Variants in OSBPL11 observed in about 807,000 individuals in gnomAD.
OSBPL11 encodes the protein oxysterol-binding protein-related protein 11.
Under a neutral mutation model 84.4 loss-of-function variants are expected in OSBPL11, and 33 were observed. That is an observed-to-expected ratio of 0.39 (90% CI 0.30 to 0.52). OSBPL11 has a LOEUF of 0.52. OSBPL11 is among the 20% of genes least tolerant of loss of function. The pLI is 0.72. For synonymous variants in OSBPL11, 276 were observed against 310.2 expected, an observed-to-expected ratio of 0.89 and a Z score of 1.16; for missense variants, 736 against 901.1, an observed-to-expected ratio of 0.82 and a Z score of 2.35.
Position 125,582,955 on chromosome 3 carries a change from C to T in OSBPL11, c.188G>A (p.Gly63Asp). ...QYSDHMENVY[G>D]YLMKYTNLVT... ...AAGGTTGGTATACTTCATTAAATAGCCATACACATTTTCCATGTGATCACT... is the reference window on the plus strand; with the variant it reads ...AAGGTTGGTATACTTCATTAAATAGTCATACACATTTTCCATGTGATCACT... The change falls in exon 2 of 13, where the codon GGC (glycine) becomes GAC (aspartate). Residue 63 changes from glycine (G) to aspartate (D), a missense_variant. Gly to Asp is a moderately conservative substitution (Grantham distance 94). This residue lies in a region of OSBPL11 where 114 missense variants were observed against 104.9 expected (regional missense o/e 1.09). Transcript: ENST00000296220. 6.3e-7 allele frequency: 1 copy of T among 1,589,624 alleles called. No individual in the cohort carries two copies. The highest frequency in any genetic ancestry group is 8.5e-7 in the Non-Finnish European group (1 of 1,173,894).
intron 5 of OSBPL11, among the ~76,000 whole-genome samples, chr3:125,572,153 T>G (rs901498021): frequency 3.3e-5 from 5 of 152,240 alleles, no homozygotes; most frequent in African/African-American, 1.2e-4. Flanking sequence ...GACTGCCCTA[T>G]TGGATTTCTG....
At chr3:125,584,515 G>A (rs751287913) in intron 1 of OSBPL11, among the ~76,000 whole-genome samples, 1 of 152,146 alleles carries the variant, frequency 6.6e-6, no homozygotes, top group Non-Finnish European at 1.5e-5. Flanking sequence ...AAAGTGCCAA[G>A]ATATTTCATA....
intron 5 of OSBPL11, among the ~76,000 whole-genome samples, chr3:125,572,619 G>A (rs559672295): frequency 3.3e-5 from 5 of 151,986 alleles, no homozygotes; most frequent in Non-Finnish European, 7.4e-5. Context: ...GAGTTCCCCT[G>A]CACAAGTTTT....
intron 8 of OSBPL11, among the ~76,000 whole-genome samples, chr3:125,557,004 A>G (rs1935999971): frequency 6.6e-6 from 1 of 152,222 alleles, no homozygotes; most frequent in Non-Finnish European, 1.5e-5. Flanking sequence ...CACATTTCAT[A>G]CACACAAAAA....
intron 10 of OSBPL11, among the ~76,000 whole-genome samples, chr3:125,543,911 TAAAAAA>T (rs577384801): frequency 2.6e-4 from 40 of 151,470 alleles, no homozygotes; most frequent in Non-Finnish European, 4.7e-4. Context: ...AAAATAAAAA[TAAAAAA>T]AATAAAAATA....
At chr3:125,592,300 A>G (rs2107615367) in intron 1 of OSBPL11, among the ~76,000 whole-genome samples, 1 of 152,220 alleles carries the variant, frequency 6.6e-6, no homozygotes, top group East Asian at 1.9e-4. Context: ...CAGCGCCCCA[A>G]AGTGCTAAGG....
chr3:125,594,231 T>C (rs1936645974), intron 1 of OSBPL11, among the ~76,000 whole-genome samples: 1 of 152,226 alleles, frequency 6.6e-6, no homozygotes, highest in African/African-American at 2.4e-5. Context: ...TCTGGACAAG[T>C]AAGTTTTGAG....
intron 10 of OSBPL11, among the ~76,000 whole-genome samples, chr3:125,544,095 A>G (rs1383781700): frequency 6.8e-5 from 10 of 147,010 alleles, no homozygotes; most frequent in Non-Finnish European, 1.2e-4. Flanking sequence ...TTTTTGAGAC[A>G]GAGCTTCACT....
chr3:125,563,724 C>T lies in OSBPL11; in HGVS notation c.988G>A (p.Val330Ile), dbSNP rs765311287. The change falls in exon 7 of 13, where the codon GTT becomes ATT. Residue 330 changes from valine (V) to isoleucine (I), a missense_variant. Val to Ile is a conservative substitution (Grantham distance 29, BLOSUM62 3). Transcript: ENST00000296220. ...KPVAVPEEQP[V>I]AESGLLAREP... Reference sequence around the variant, plus strand: ...CTCGCTAATAGTCCAGATTCTGCAACAGGCTGCTCTTCTGGGACTGCCACC... The same window carrying T: ...CTCGCTAATAGTCCAGATTCTGCAATAGGCTGCTCTTCTGGGACTGCCACC... 12 of 1,614,168 alleles carry T rather than the reference C, an allele frequency of 7.4e-6. No homozygotes were observed. The highest frequency in any genetic ancestry group is 1.0e-5 in the Non-Finnish European group (12 of 1,180,018).
At chr3:125,554,000 C>A (rs1935953815) in intron 8 of OSBPL11, among the ~76,000 whole-genome samples, 1 of 152,138 alleles carries the variant, frequency 6.6e-6, no homozygotes, top group African/African-American at 2.4e-5. Flanking sequence ...GCACAGATTC[C>A]TAAAAAGGCT....
chr3:125,557,750 G>A (rs147808885), intron 8 of OSBPL11, among the ~76,000 whole-genome samples: 96 of 149,364 alleles, frequency 6.4e-4, no homozygotes, highest in African/African-American at 2.3e-3. Context: ...ATTTGTGGTT[G>A]GTTAATGTTA....
intron 10 of OSBPL11, among the ~76,000 whole-genome samples, chr3:125,541,223 C>T (rs72979719): frequency 0.095 from 14,402 of 152,232 alleles, 1,413 homozygotes; most frequent in African/African-American, 0.25. Flanking sequence ...ATCCTTGCCC[C>T]TCCCCAAGAC....
intron 10 of OSBPL11, among the ~76,000 whole-genome samples, chr3:125,544,346 G>A (rs1032256874): frequency 6.6e-6 from 1 of 152,140 alleles, no homozygotes; most frequent in Admixed American, 6.5e-5. Flanking sequence ...GTGAGCTACT[G>A]CACCTGGCCA....
At chr3:125,593,210 C>T (rs1011743230) in intron 1 of OSBPL11, among the ~76,000 whole-genome samples, 4 of 152,124 alleles carry the variant, frequency 2.6e-5, no homozygotes, top group African/African-American at 4.8e-5. Flanking sequence ...AGGGGACCCG[C>T]GGCCCCTGCC....
At chr3:125,583,977 A>G (rs1325464133) in intron 1 of OSBPL11, among the ~76,000 whole-genome samples, 1 of 152,140 alleles carries the variant, frequency 6.6e-6, no homozygotes, top group Non-Finnish European at 1.5e-5. Flanking sequence ...TTGAGGCCAT[A>G]GAAAACCCAA....
chr3:125,533,019 G>A (rs1372587770), intron 11 of OSBPL11, among the ~76,000 whole-genome samples: 1 of 151,848 alleles, frequency 6.6e-6, no homozygotes. Flanking sequence ...GTGGTTCTCT[G>A]GGCTGGGGGT....
At chr3:125,565,261 T>C (rs1468082537) in intron 6 of OSBPL11, among the ~76,000 whole-genome samples, 1 of 151,974 alleles carries the variant, frequency 6.6e-6, no homozygotes, top group East Asian at 1.9e-4. Flanking sequence ...AAATATATAA[T>C]ATATTGTCTT....
chr3:125,573,475 A>G (rs1936272456), intron 5 of OSBPL11, among the ~76,000 whole-genome samples: 1 of 152,242 alleles, frequency 6.6e-6, no homozygotes, highest in South Asian at 2.1e-4. Context: ...TAGTACTAAT[A>G]AGAAAGAGTA....
At chr3:125,540,806 C>T (rs1280693389) in intron 10 of OSBPL11, among the ~76,000 whole-genome samples, 1 of 151,826 alleles carries the variant, frequency 6.6e-6, no homozygotes, top group Non-Finnish European at 1.5e-5. Context: ...TTGTTTAGAG[C>T]AGCTACACAG....
Sources: gnomAD v4.1 joint callset for allele counts (sites outside exome capture counted in the v4.1 genomes callset) on GRCh38, gnomAD v4.1.1 for gene constraint, gnomAD v4.1.1 regional missense constraint, MANE v1.5 for transcripts, NCBI Gene and HGNC (gene_info 2026-07-23, HGNC 2026-07-21) for gene names.